The following KTN1 variants were observed in gnomAD, a reference collection of about 807,000 sequenced individuals.
KTN1 encodes kinectin 1.
A neutral mutation model predicts 222.5 loss-of-function variants in KTN1; 130 were observed. That is an observed-to-expected ratio of 0.58 (90% CI 0.51 to 0.68). The LOEUF (loss-of-function observed/expected upper bound fraction) is 0.68. Ranked by LOEUF, KTN1 falls within the 30% of genes least tolerant of loss-of-function variation. The probability of loss-of-function intolerance (pLI) is 0.00; values close to 1 mark genes in which losing one functional copy is unlikely to be tolerated. For synonymous variants in KTN1, 512 were observed against 496.3 expected (o/e 1.03, Z -0.42); for missense variants, 1,508 against 1,500.4 (o/e 1.01, Z -0.08).
At chr14:55,645,178 A>G (rs1482233165) in intron 18 of KTN1, among the ~76,000 whole-genome samples, 2 of 152,328 alleles carry the variant, frequency 1.3e-5, no homozygotes, top group African/African-American at 2.4e-5. Flanking sequence ...AAAAATGAGC[A>G]TGAATTTGCC....
chr14:55,640,997 G>C (rs148308703), intron 16 of KTN1, 27 bp downstream of exon 16: 8 of 1,575,596 alleles, frequency 5.1e-6, no homozygotes, highest in Non-Finnish European at 6.1e-6. Context: ...ACATCTAGTC[G>C]TTCATACATT....
intron 9 of KTN1, 95 bp downstream of exon 9, chr14:55,634,753 A>G (rs1166911289): frequency 1.9e-6 from 2 of 1,063,628 alleles, no homozygotes; most frequent in African/African-American, 1.6e-5. Context: ...GAGACTGGGT[A>G]AATTTTTAAG....
At chr14:55,637,100 A>G (rs1268969121) in intron 10 of KTN1, 98 bp from the exon 11 acceptor site, 2 of 825,364 alleles carry the variant, frequency 2.4e-6, no homozygotes, top group African/African-American at 1.7e-5. Context: ...GAGAGATTCA[A>G]AGAAGGTTTT....
intron 1 of KTN1, among the ~76,000 whole-genome samples, chr14:55,600,521 T>C (rs960722562): frequency 6.6e-6 from 1 of 151,842 alleles, no homozygotes; most frequent in Non-Finnish European, 1.5e-5. Flanking sequence ...ATAAAAGGGG[T>C]TTATGGGAGG....
intron 18 of KTN1, 37 bp downstream of exon 18, chr14:55,641,797 G>A (rs149280320): frequency 2.4e-6 from 3 of 1,260,216 alleles, no homozygotes; most frequent in Non-Finnish European, 2.3e-6. Context: ...AGAAATACTT[G>A]TTATATAACA....
chr14:55,655,199 G>GATC (rs1460040383), intron 28 of KTN1, among the ~76,000 whole-genome samples: 1 of 152,070 alleles, frequency 6.6e-6, no homozygotes, highest in Non-Finnish European at 1.5e-5. Context: ...GGCTGGTCTT[G>GATC]ATCTCCTGGG....
chr14:55,637,274 A>G lies in KTN1; in HGVS notation c.1626A>G (p.Ser542=), dbSNP rs2041240726. The change falls in exon 11 of 44, where the codon TCA becomes TCG. Residue 542 remains serine (S), a synonymous_variant. Transcript: ENST00000395314. ...GTAAGCTTACAGATACCTTGGTATC[A>G]AAACAACAGTTGGAGCAAAGACTAA... ...LHSKLTDTLV[S]KQQLEQRLMQ... The G allele has an allele frequency of 3.7e-6, 6 of 1,612,162 alleles. No homozygotes were observed. The highest frequency in any genetic ancestry group is 5.1e-6 in the Non-Finnish European group (6 of 1,178,574).
chr14:55,584,780 A>G (rs894228029), intron 1 of KTN1, among the ~76,000 whole-genome samples: 3 of 152,126 alleles, frequency 2.0e-5, no homozygotes, highest in African/African-American at 7.2e-5. Context: ...TGACTCTTTA[A>G]GAGTTCAGAG....
At chr14:55,631,034 G>C (rs899856766) in intron 7 of KTN1, among the ~76,000 whole-genome samples, 4 of 151,918 alleles carry the variant, frequency 2.6e-5, no homozygotes, top group Admixed American at 1.3e-4. Flanking sequence ...AGAAGGCTCA[G>C]TTTTTACAGT....
At chr14:55,617,015 G>C (rs972820302) in intron 3 of KTN1, among the ~76,000 whole-genome samples, 3 of 152,148 alleles carry the variant, frequency 2.0e-5, no homozygotes, top group African/African-American at 7.2e-5. Flanking sequence ...ACATTAGCTA[G>C]ATCTGGCATT....
chr14:55,680,464 G>A (rs1271283763), intron 43 of KTN1: 1 of 355,730 alleles, frequency 2.8e-6, no homozygotes, highest in Non-Finnish European at 5.6e-6. Context: ...ATTCAGATAT[G>A]CACTGAATAC....
intron 8 of KTN1, 136 bp downstream of exon 8, chr14:55,633,477 A>C: frequency 2.0e-6 from 1 of 509,388 alleles, no homozygotes; most frequent in Non-Finnish European, 3.4e-6. Flanking sequence ...GTTACTTTTA[A>C]AAACAATTCT....
At chr14:55,670,249 G>A (rs892311581) in intron 34 of KTN1, among the ~76,000 whole-genome samples, 1 of 151,926 alleles carries the variant, frequency 6.6e-6, no homozygotes, top group African/African-American at 2.4e-5. Flanking sequence ...CACAGAATTT[G>A]AAATCCTCCA....
rs1376450264 is a variant in KTN1, at chr14:55,612,427, G to C, written c.379G>C (p.Glu127Gln). 3 of 1,613,990 alleles carry C rather than the reference G, an allele frequency of 1.9e-6. No homozygotes were observed. Among genetic ancestry groups the C allele is most frequent in the Admixed American group, 3.3e-5 (2 of 59,990 alleles). ...AAAGAAACAAAAGCCTGTGCTTGAA[G>C]AGCAGGTCATCAAAGAAAGTGACGC... is the stretch of plus-strand genomic sequence containing the variant. ...KEKKQKPVLE[E>Q]QVIKESDASK... Residue 127 changes from glutamate (E) to glutamine (Q), a missense_variant, in exon 2 of 44, where the codon GAG (glutamate) becomes CAG (glutamine). By Grantham distance (29) the Glu-to-Gln change is conservative. Transcript: ENST00000395314.
At chr14:55,666,242 T>G (rs920000283) in intron 33 of KTN1, among the ~76,000 whole-genome samples, 1 of 151,968 alleles carries the variant, frequency 6.6e-6, no homozygotes, top group Non-Finnish European at 1.5e-5. Flanking sequence ...TTTTCTAAAA[T>G]TGAAGTGTGT....
chr14:55,652,074 G>A, intron 25 of KTN1, 147 bp downstream of exon 25: 1 of 579,810 alleles, frequency 1.7e-6, no homozygotes, highest in South Asian at 2.6e-5. Flanking sequence ...AGGGCCCTAA[G>A]TTTCTTATTT....
intron 40 of KTN1, chr14:55,673,464 C>A: frequency 2.7e-6 from 1 of 373,874 alleles, no homozygotes; most frequent in Middle Eastern, 4.9e-4. Context: ...TAGCTCCTAA[C>A]AATGGCATGT....
rs1222059139 is a variant in KTN1, at chr14:55,658,387, A to G, written c.2893-159A>G. ...AGCTAGTACTAATATAAATACTCTA[A>G]TTTCATCATATGTTTTAATAAAGAG... is the stretch of plus-strand genomic sequence containing the variant. On this transcript the variant is annotated intron_variant, in intron 29 of 43. Coordinates refer to ENST00000395314, the MANE Select transcript of KTN1 (RefSeq NM_001079521.2). Among the ~76,000 whole-genome samples the G allele has an allele frequency of 4.6e-5, 7 of 152,266 alleles. 1 individual carries two copies. The highest frequency in any genetic ancestry group is 6.8e-3 in the Middle Eastern group (2 of 294).
chr14:55,636,397 A>C, intron 9 of KTN1, 52 bp from the exon 10 acceptor site: 1 of 1,392,474 alleles, frequency 7.2e-7, no homozygotes, highest in Non-Finnish European at 1.0e-6. Flanking sequence ...TTTTCAAAGT[A>C]GAAATTCTGT....
Sources: allele counts gnomAD v4.1 joint callset (sites outside exome capture counted in the v4.1 genomes callset), GRCh38; gene constraint gnomAD v4.1.1; transcripts MANE v1.5; gene names NCBI Gene and HGNC (gene_info 2026-07-23, HGNC 2026-07-21).